Variants in WWOX observed in about 807,000 individuals in gnomAD.
WWOX encodes the protein WW domain containing oxidoreductase.
In WWOX, 69 loss-of-function variants were observed where a neutral mutation model predicts 46.2. The observed-to-expected ratio is 1.49, with a 90% CI of 1.23 to 1.82. The LOEUF (loss-of-function observed/expected upper bound fraction) is 1.82, where lower values mean the gene tolerates loss of function less well. Among genes scored for constraint, WWOX ranks in the 40% most tolerant of loss-of-function variants. The probability of loss-of-function intolerance (pLI) is 0.00; values close to 1 mark genes in which losing one functional copy is unlikely to be tolerated. For synonymous variants in WWOX, 359 were observed against 202.6 expected, an observed-to-expected ratio of 1.77 and a Z score of -6.56; for missense variants, 919 against 542.6, an observed-to-expected ratio of 1.69 and a Z score of -6.89.
rs566148104 is a variant in WWOX at position 78,903,954 on chromosome 16, C to G, written c.1057-307654C>G. Among the ~76,000 whole-genome samples, 18 of 152,266 alleles carry G rather than the reference C, an allele frequency of 1.2e-4. No individual in the cohort carries two copies. The South Asian group carries it at 3.7e-3, about 32-fold the overall frequency. On this transcript the variant is annotated intron_variant, in intron 8 of 8. Coordinates refer to ENST00000566780, the MANE Select transcript of WWOX (RefSeq NM_016373.4). The stretch of plus-strand genomic sequence containing the variant: ...CATTTTCTCCGGGCCAGCCACACAG[C>G]GAATGAATGGAGACTCCTTGTGTGT...
intron 5 of WWOX, among the ~76,000 whole-genome samples, chr16:78,183,005 T>G (rs548093868): frequency 1.3e-5 from 2 of 149,278 alleles, no homozygotes; most frequent in African/African-American, 4.9e-5. Flanking sequence ...TCCCAAGAAC[T>G]CATGGTCCAA....
rs570751628 is a variant in WWOX at position 79,029,092 on chromosome 16, A to G, written c.1057-182516A>G. The stretch of plus-strand genomic sequence containing the variant: ...TTTTCTCAATGGTCCATTTGGGCAA[A>G]CAGGCCAGCTGAGGTATCTCAGGAT... On this transcript the variant is annotated intron_variant, in intron 8 of 8. Transcript: ENST00000566780. Among the ~76,000 whole-genome samples, 6 of 149,068 alleles carry G rather than the reference A, an allele frequency of 4.0e-5. No homozygotes were observed. The South Asian group carries it at 1.2e-3, about 31-fold the overall frequency.
At position 78,705,952 on chromosome 16, in the gene WWOX, C is replaced by T. The variant is rs184829543; in HGVS notation, c.1056+273200C>T. 1.6e-4 allele frequency among the ~76,000 whole-genome samples: 25 copies of T among 151,618 alleles called. No individual in the cohort carries two copies. The East Asian group carries it at 2.7e-3, about 17-fold the overall frequency. ...CACTAAGGAATGTTTGAGTGTGGAACGTGGTTTAGATGCTGTGCGTACAGC... is the reference window on the plus strand; with the variant it reads ...CACTAAGGAATGTTTGAGTGTGGAATGTGGTTTAGATGCTGTGCGTACAGC... On this transcript the variant is annotated intron_variant, in intron 8 of 8. Transcript: ENST00000566780.
intron 5 of WWOX, among the ~76,000 whole-genome samples, chr16:78,239,948 C>T (rs1597389900): frequency 1.3e-5 from 2 of 152,122 alleles, no homozygotes; most frequent in East Asian, 1.9e-4. Context: ...TGCCATGCTC[C>T]GGTTCTAAGC....
chr16:78,497,935 G>T (rs1200023484), intron 8 of WWOX, among the ~76,000 whole-genome samples: 3 of 152,052 alleles, frequency 2.0e-5, no homozygotes, highest in Non-Finnish European at 4.4e-5. Flanking sequence ...GGGAGCAGTA[G>T]CTCACGCCTG....
At chr16:78,581,757 G>A (rs567118345) in intron 8 of WWOX, among the ~76,000 whole-genome samples, 1 of 152,088 alleles carries the variant, frequency 6.6e-6, no homozygotes, top group Non-Finnish European at 1.5e-5. Context: ...GTAACACCAG[G>A]TTCCCTACCT....
At chr16:78,916,714 T>C (rs762282450) in intron 8 of WWOX, among the ~76,000 whole-genome samples, 4 of 152,212 alleles carry the variant, frequency 2.6e-5, no homozygotes, top group Non-Finnish European at 4.4e-5. Flanking sequence ...TAAAAGTGAT[T>C]CTTTCTAGGA....
chr16:78,522,558 A>G (rs776574162), intron 8 of WWOX, among the ~76,000 whole-genome samples: 36 of 151,052 alleles, frequency 2.4e-4, no homozygotes, highest in Non-Finnish European at 5.0e-4. Flanking sequence ...CTGTATTACC[A>G]TTAGAAGACA....
At chr16:78,121,107 C>T (rs752097571) in intron 4 of WWOX, among the ~76,000 whole-genome samples, 3 of 152,108 alleles carry the variant, frequency 2.0e-5, no homozygotes, top group African/African-American at 7.2e-5. Context: ...CTTGAAATGC[C>T]TGATTAGTTT....
At chr16:78,471,783 A>G (rs549975037) in intron 8 of WWOX, among the ~76,000 whole-genome samples, 5 of 152,302 alleles carry the variant, frequency 3.3e-5, no homozygotes, top group Admixed American at 3.3e-4. Context: ...AATAATAACG[A>G]TGATTTTTCC....
At chr16:79,044,251 C>A (rs992456523) in intron 8 of WWOX, among the ~76,000 whole-genome samples, 1 of 152,148 alleles carries the variant, frequency 6.6e-6, no homozygotes, top group African/African-American at 2.4e-5. Flanking sequence ...CAAAATCCGT[C>A]GTTGAAAGTA....
chr16:78,557,666 T>A (rs1295245507), intron 8 of WWOX, among the ~76,000 whole-genome samples: 1 of 149,216 alleles, frequency 6.7e-6, no homozygotes, highest in Admixed American at 6.7e-5. Flanking sequence ...ATGCGACACA[T>A]AAGTGCATTC....
intron 8 of WWOX, among the ~76,000 whole-genome samples, chr16:79,142,556 T>C (rs372768670): frequency 1.3e-5 from 2 of 152,200 alleles, no homozygotes; most frequent in East Asian, 1.9e-4. Flanking sequence ...TTGATCTTAA[T>C]TGTTATTAGA....
intron 8 of WWOX, among the ~76,000 whole-genome samples, chr16:78,799,680 C>T (rs1415552475): frequency 2.0e-5 from 3 of 152,134 alleles, no homozygotes; most frequent in African/African-American, 7.2e-5. Flanking sequence ...GACCTTTCTG[C>T]TCTTTTATGC....
chr16:79,044,872 G>T (rs1567510945), intron 8 of WWOX, among the ~76,000 whole-genome samples: 1 of 152,146 alleles, frequency 6.6e-6, no homozygotes, highest in Non-Finnish European at 1.5e-5. Context: ...CAGCCTCATT[G>T]AGTCCCCCAT....
intron 8 of WWOX, among the ~76,000 whole-genome samples, chr16:78,501,253 TAA>T (rs546816049): frequency 4.1e-5 from 5 of 122,784 alleles, no homozygotes; most frequent in Non-Finnish European, 8.4e-5. Flanking sequence ...AAACACAAAA[TAA>T]AAAAAAAATA....
intron 5 of WWOX, among the ~76,000 whole-genome samples, chr16:78,329,811 A>G: frequency 6.6e-6 from 1 of 151,246 alleles, no homozygotes; most frequent in Admixed American, 6.6e-5. Flanking sequence ...CAGTGGTAGA[A>G]TCATAGCTCA....
intron 5 of WWOX, among the ~76,000 whole-genome samples, chr16:78,233,828 G>C (rs927650662): frequency 6.6e-6 from 1 of 152,058 alleles, no homozygotes; most frequent in Admixed American, 6.6e-5. Flanking sequence ...TGCCTGGCCT[G>C]ATGATTCAGT....
At chr16:78,923,823 G>T (rs111251366) in intron 8 of WWOX, among the ~76,000 whole-genome samples, 44,937 of 118,190 alleles carry the variant, frequency 0.38, 8,464 homozygotes, top group Admixed American at 0.54. Context: ...TTTTTCAGAC[G>T]GAGTCTTGCT....
Sources: allele counts gnomAD v4.1 joint callset (sites outside exome capture counted in the v4.1 genomes callset), GRCh38; gene constraint gnomAD v4.1.1; transcripts MANE v1.5; gene names NCBI Gene and HGNC (gene_info 2026-07-23, HGNC 2026-07-21).